GNA12: variants seen among roughly 807,000 people sequenced by gnomAD.
GNA12 encodes guanine nucleotide-binding protein subunit alpha-12.
In GNA12, 9 loss-of-function variants were observed where a neutral mutation model predicts 26.0. The ratio of observed to expected loss-of-function variants is 0.35; its 90% CI spans 0.21 to 0.60. The LOEUF (loss-of-function observed/expected upper bound fraction) is 0.60. Among genes scored for constraint, GNA12 ranks in the 20% least tolerant of loss-of-function variants. The pLI is 0.78. For missense variants in GNA12, 405 were observed against 525.8 expected (o/e 0.77, Z 2.25); for synonymous variants, 264 against 219.6 (o/e 1.20, Z -1.79).
intron 1 of GNA12, among the ~76,000 whole-genome samples, chr7:2,828,733 G>A (rs1463401527): frequency 6.6e-6 from 1 of 152,182 alleles, no homozygotes; most frequent in African/African-American, 2.4e-5. Context: ...CTCCAATGGA[G>A]TCTTCTTTAG....
intron 2 of GNA12, among the ~76,000 whole-genome samples, chr7:2,747,318 C>T (rs1393704052): frequency 6.6e-6 from 1 of 152,166 alleles, no homozygotes; most frequent in African/African-American, 2.4e-5. Flanking sequence ...AAAGCTTATC[C>T]ACCATGATCA....
intron 2 of GNA12, among the ~76,000 whole-genome samples, chr7:2,788,762 A>G (rs1179313941): frequency 1.3e-5 from 2 of 152,176 alleles, no homozygotes; most frequent in Non-Finnish European, 2.9e-5. Context: ...TGCTATGACC[A>G]CACTGCCTCT....
intron 2 of GNA12, among the ~76,000 whole-genome samples, chr7:2,760,768 C>T (rs934866336): frequency 6.6e-5 from 10 of 152,248 alleles, no homozygotes; most frequent in South Asian, 2.1e-4. Flanking sequence ...CTAGGGACAG[C>T]GTCGAGCTCC....
chr7:2,815,923 A>G (rs1793208054), intron 1 of GNA12, among the ~76,000 whole-genome samples: 1 of 152,198 alleles, frequency 6.6e-6, no homozygotes, highest in Non-Finnish European at 1.5e-5. Flanking sequence ...TTTTGAGTTC[A>G]TTTAATAGCC....
chr7:2,783,236 G>A (rs78095400), intron 2 of GNA12, among the ~76,000 whole-genome samples: 1 of 152,166 alleles, frequency 6.6e-6, no homozygotes, highest in Non-Finnish European at 1.5e-5. Flanking sequence ...TCTTTCCAGA[G>A]AAAGTTGGCT....
At chr7:2,814,966 C>T (rs773112940) in intron 1 of GNA12, 26 of 1,561,648 alleles carry the variant, frequency 1.7e-5, no homozygotes, top group African/African-American at 5.5e-5. Flanking sequence ...GCTCTGCACT[C>T]GGCATGGCTG....
intron 2 of GNA12, chr7:2,775,595 G>T (rs1792056913): frequency 6.6e-6 from 1 of 152,214 alleles, no homozygotes; most frequent in Admixed American, 6.5e-5. Context: ...CCTGGTCTAT[G>T]GGCATCTGCG....
intron 2 of GNA12, among the ~76,000 whole-genome samples, chr7:2,761,616 T>G (rs1338099330): frequency 6.6e-6 from 1 of 152,152 alleles, no homozygotes; most frequent in African/African-American, 2.4e-5. Context: ...ACAGGGCACG[T>G]TCCCGAACCG....
In GNA12 at chr7:2,733,460, G is replaced by A. The variant is rs758894496; in HGVS notation, c.567C>T (p.Ile189=). ...GGGCGTGCTTACTCACCAGCTGGCC[G>A]ATCCGGTCCAAGTTGTCCAGGAAGT... The part of the protein sequence containing the change: ...VKYFLDNLDR[I]GQLNYFPSKQ... The change falls in exon 3 of 4, where the codon ATC becomes ATT. Residue 189 remains isoleucine (I), a synonymous_variant. Coordinates refer to ENST00000275364, the MANE Select transcript of GNA12 (RefSeq NM_007353.3). 10 of 1,613,638 alleles carry A rather than the reference G, an allele frequency of 6.2e-6. No individual in the cohort carries two copies. The highest frequency in any genetic ancestry group is 2.2e-5 in the East Asian group (1 of 44,892).
chr7:2,835,072 C>G (rs1778796773), intron 1 of GNA12, among the ~76,000 whole-genome samples: 1 of 152,188 alleles, frequency 6.6e-6, no homozygotes, highest in Non-Finnish European at 1.5e-5. Context: ...GTTAGGACTT[C>G]TAGTCTATAT....
intron 2 of GNA12, among the ~76,000 whole-genome samples, chr7:2,766,169 T>C (rs1791797124): frequency 6.6e-6 from 1 of 152,170 alleles, no homozygotes. Context: ...ACTTTTTGTT[T>C]CTATGCATTT....
In GNA12 at chr7:2,820,649, C is replaced by A. The variant is rs936863318; in HGVS notation, c.309+23204G>T. ...GGCAGCTGCTTGTTGTCCAGACCTG[C>A]CCCACCGGCCAGTCACCAGCTCCTG... is the stretch of plus-strand genomic sequence containing the variant. On this transcript the variant is annotated intron_variant, in intron 1 of 3. Coordinates refer to ENST00000275364, the MANE Select transcript of GNA12 (RefSeq NM_007353.3). Among the ~76,000 whole-genome samples the A allele has an allele frequency of 2.6e-5, 4 of 152,360 alleles. No homozygotes were observed. In the East Asian group the frequency reaches 5.8e-4, roughly 22 times the overall value.
intron 1 of GNA12, among the ~76,000 whole-genome samples, chr7:2,839,839 A>C (rs1747211206): frequency 6.6e-6 from 1 of 152,194 alleles, no homozygotes; most frequent in Non-Finnish European, 1.5e-5. Context: ...TCTCTACTAA[A>C]TACACAAAAA....
intron 1 of GNA12, among the ~76,000 whole-genome samples, chr7:2,805,764 C>G (rs1316774140): frequency 6.6e-6 from 1 of 152,194 alleles, no homozygotes; most frequent in Non-Finnish European, 1.5e-5. Flanking sequence ...CATTAGAAGA[C>G]ATTTTGTGCA....
At chr7:2,776,097 G>C (rs888529143) in intron 2 of GNA12, among the ~76,000 whole-genome samples, 1 of 152,198 alleles carries the variant, frequency 6.6e-6, no homozygotes, top group Admixed American at 6.5e-5. Flanking sequence ...ATCCAGGTTA[G>C]ACCGCTCATT....
intron 2 of GNA12, among the ~76,000 whole-genome samples, chr7:2,787,258 A>G (rs534987093): frequency 1.3e-5 from 2 of 152,208 alleles, no homozygotes; most frequent in Admixed American, 6.5e-5. Flanking sequence ...CGTCACCTAC[A>G]TTACTTCAAG....
intron 2 of GNA12, among the ~76,000 whole-genome samples, chr7:2,786,390 T>C (rs937188655): frequency 6.6e-6 from 1 of 152,146 alleles, no homozygotes. Context: ...CAAAAGATGC[T>C]TATTCCCAAA....
intron 1 of GNA12, among the ~76,000 whole-genome samples, chr7:2,822,218 C>G (rs1213444591): frequency 1.3e-5 from 2 of 152,202 alleles, no homozygotes; most frequent in Non-Finnish European, 2.9e-5. Context: ...AGATGTTGTT[C>G]TTCGTACGTT....
intron 1 of GNA12, among the ~76,000 whole-genome samples, chr7:2,823,192 C>T (rs1012019042): frequency 8.5e-5 from 13 of 152,150 alleles, no homozygotes; most frequent in South Asian, 6.2e-4. Flanking sequence ...AGTCCAGAGA[C>T]GGCCCCATAC....
Sources: gnomAD v4.1 joint callset for allele counts (sites outside exome capture counted in the v4.1 genomes callset) on GRCh38, gnomAD v4.1.1 for gene constraint, MANE v1.5 for transcripts, NCBI Gene and HGNC (gene_info 2026-07-23, HGNC 2026-07-21) for gene names.